HNF4G: variants seen among roughly 807,000 people sequenced by gnomAD.
HNF4G encodes the protein hepatocyte nuclear factor 4 gamma.
A neutral mutation model predicts 50.9 loss-of-function variants in HNF4G; 21 were observed. The ratio of observed to expected loss-of-function variants is 0.41; its 90% CI spans 0.29 to 0.59. HNF4G has a LOEUF of 0.59. HNF4G is among the 20% of genes least tolerant of loss of function. HNF4G has a pLI of 0.26. For missense variants in HNF4G, 527 were observed against 559.4 expected (o/e 0.94, Z 0.58); for synonymous variants, 198 against 185.6 (o/e 1.07, Z -0.54).
At chr8:75,509,807 T>C (rs1239027797) in intron 2 of HNF4G, among the ~76,000 whole-genome samples, 1 of 152,240 alleles carries the variant, frequency 6.6e-6, no homozygotes, top group Admixed American at 6.5e-5. Context: ...TAAACAAACC[T>C]ACTGCACTGC....
At chr8:75,545,738 T>C (rs889866626) in intron 2 of HNF4G, among the ~76,000 whole-genome samples, 11 of 152,178 alleles carry the variant, frequency 7.2e-5, no homozygotes, top group African/African-American at 2.7e-4. Flanking sequence ...ATGTACAATT[T>C]GTATGTGTAC....
At chr8:75,443,851 G>C (rs1563508856) in intron 1 of HNF4G, among the ~76,000 whole-genome samples, 1 of 152,008 alleles carries the variant, frequency 6.6e-6, no homozygotes, top group East Asian at 1.9e-4. Flanking sequence ...CCTCTCCATA[G>C]TACTCAAAAA....
intron 1 of HNF4G, among the ~76,000 whole-genome samples, chr8:75,444,151 AC>A (rs1292263231): frequency 6.6e-6 from 1 of 151,958 alleles, no homozygotes; most frequent in Non-Finnish European, 1.5e-5. Context: ...AGAATTTTCA[AC>A]CCAGAATTTC....
chr8:75,537,325 C>T (rs1806490961), upstream of HNF4G, among the ~76,000 whole-genome samples: 1 of 152,110 alleles, frequency 6.6e-6, no homozygotes, highest in South Asian at 2.1e-4. Flanking sequence ...CTCACTGCAA[C>T]CTCCACCTTC....
intron 2 of HNF4G, among the ~76,000 whole-genome samples, chr8:75,529,430 G>A (rs1428896176): frequency 1.3e-5 from 2 of 152,116 alleles, no homozygotes; most frequent in Non-Finnish European, 2.9e-5. Context: ...GAGACCCAAA[G>A]CCAAACCATA....
At chr8:75,496,368 AT>A (rs547800668) in intron 2 of HNF4G, among the ~76,000 whole-genome samples, 12 of 151,654 alleles carry the variant, frequency 7.9e-5, no homozygotes, top group Admixed American at 5.9e-4. Context: ...AATATAATAT[AT>A]TTTTTTTCAA....
At chr8:75,547,870 T>C (rs1806834065) in intron 3 of HNF4G, among the ~76,000 whole-genome samples, 189 bp downstream of exon 3, 1 of 152,164 alleles carries the variant, frequency 6.6e-6, no homozygotes, top group Non-Finnish European at 1.5e-5. Flanking sequence ...GTATAGCCAG[T>C]ATTTATCTGG....
chr8:75,416,839 G>C (rs1457190788), intron 1 of HNF4G, among the ~76,000 whole-genome samples: 1 of 152,136 alleles, frequency 6.6e-6, no homozygotes, highest in Non-Finnish European at 1.5e-5. Context: ...AACACATGCA[G>C]GTTTTGGAGT....
At chr8:75,410,941 T>C (rs2130458636) in intron 1 of HNF4G, among the ~76,000 whole-genome samples, 1 of 152,332 alleles carries the variant, frequency 6.6e-6, no homozygotes, top group Admixed American at 6.5e-5. Flanking sequence ...CACATATAGA[T>C]CAGGTAATTC....
At chr8:75,515,142 A>G (rs1036306661) in intron 2 of HNF4G, among the ~76,000 whole-genome samples, 12 of 152,178 alleles carry the variant, frequency 7.9e-5, no homozygotes, top group African/African-American at 2.7e-4. Context: ...CTAGTTAAGC[A>G]CCCAGAATTC....
chr8:75,535,105 C>A (rs575772369), upstream of HNF4G, among the ~76,000 whole-genome samples: 55 of 151,724 alleles, frequency 3.6e-4, no homozygotes, highest in African/African-American at 1.3e-3. Flanking sequence ...TACACATAAT[C>A]TGGGCTTTAG....
At chr8:75,548,196 G>A (rs1806845412) in intron 3 of HNF4G, among the ~76,000 whole-genome samples, 1 of 151,976 alleles carries the variant, frequency 6.6e-6, no homozygotes, top group Non-Finnish European at 1.5e-5. Context: ...TGTTAGCCAG[G>A]CTGGTCTTGA....
intron 1 of HNF4G, among the ~76,000 whole-genome samples, chr8:75,472,470 G>A (rs1812137242): frequency 6.6e-6 from 1 of 152,152 alleles, no homozygotes; most frequent in African/African-American, 2.4e-5. Flanking sequence ...TGAATTTGAG[G>A]GAAGTTGAGA....
Position 75,553,189 on chromosome 8 carries a change from G to A in HNF4G, c.637G>A (p.Asp213Asn), listed in dbSNP as rs766767221. The A allele has an allele frequency of 8.7e-6, 14 of 1,611,682 alleles. No homozygotes were observed. Among genetic ancestry groups the A allele is most frequent in the Middle Eastern group, 1.7e-4 (1 of 6,060 alleles). ...YIPAFCELPL[D>N]DQVALLRAHA... ...TCCTGCCTTCTGTGAATTACCATTG[G>A]ATGATCAGGTACACATTTAAAACTT... is the stretch of plus-strand genomic sequence containing the variant. The change falls in exon 5 of 10, where the codon GAT becomes AAT. Residue 213 changes from aspartate (D) to asparagine (N), a missense_variant. By Grantham distance (23) the Asp-to-Asn change is conservative. Around this residue, in one of 5 missense-constraint regions of HNF4G, gnomAD observed 308 missense variants for 301.5 expected, o/e 1.02. Coordinates refer to ENST00000396423, the MANE Select transcript of HNF4G (RefSeq NM_004133.5).
intron 1 of HNF4G, among the ~76,000 whole-genome samples, chr8:75,480,005 A>G (rs928222576): frequency 3.9e-5 from 6 of 152,110 alleles, no homozygotes; most frequent in African/African-American, 1.4e-4. Flanking sequence ...GATGTTATAG[A>G]AAAAAGTGTT....
intron 2 of HNF4G, among the ~76,000 whole-genome samples, chr8:75,507,052 T>G (rs1805603992): frequency 6.6e-6 from 1 of 152,172 alleles, no homozygotes; most frequent in Non-Finnish European, 1.5e-5. Context: ...CAGATATAAA[T>G]TCCACATGTG....
At chr8:75,553,568 C>T (rs1236184769) in intron 5 of HNF4G, among the ~76,000 whole-genome samples, 2 of 151,852 alleles carry the variant, frequency 1.3e-5, no homozygotes, top group East Asian at 1.9e-4. Context: ...TGTGTATTGG[C>T]GTTTACTGAA....
chr8:75,518,083 A>C (rs536009747), intron 2 of HNF4G, among the ~76,000 whole-genome samples: 1 of 149,994 alleles, frequency 6.7e-6, no homozygotes, highest in East Asian at 2.0e-4. Context: ...GGTGTGCTGC[A>C]CCCATTAACT....
intron 1 of HNF4G, among the ~76,000 whole-genome samples, chr8:75,475,263 C>T (rs1164592404): frequency 2.0e-5 from 3 of 152,124 alleles, no homozygotes; most frequent in Non-Finnish European, 4.4e-5. Flanking sequence ...CCGCCTGGGC[C>T]TCCCAAAGTG....
Sources: allele counts gnomAD v4.1 joint callset (sites outside exome capture counted in the v4.1 genomes callset), GRCh38; gene constraint gnomAD v4.1.1; regional missense constraint gnomAD v4.1.1; transcripts MANE v1.5; gene names NCBI Gene and HGNC (gene_info 2026-07-23, HGNC 2026-07-21).